The following NFIL3 variants were observed in gnomAD, a reference collection of about 807,000 sequenced individuals.
NFIL3 encodes the protein nuclear factor, interleukin 3 regulated.
Under a neutral mutation model 10.0 loss-of-function variants are expected in NFIL3, and 5 were observed. The observed-to-expected ratio is 0.50, with a 90% CI of 0.26 to 1.06. The LOEUF (loss-of-function observed/expected upper bound fraction) is 1.06, where lower values mean the gene tolerates loss of function less well. Ranked by LOEUF, NFIL3 falls within the 50% of genes least tolerant of loss-of-function variation. The probability of loss-of-function intolerance (pLI) is 0.13; values close to 1 mark genes in which losing one functional copy is unlikely to be tolerated. For synonymous variants in NFIL3, 202 were observed against 206.5 expected (o/e 0.98, Z 0.19); for missense variants, 436 against 547.6 (o/e 0.80, Z 2.03).
At chr9:91,450,381 A>G in the NFIL3 span, among the ~76,000 whole-genome samples, 1 of 152,102 alleles carries the variant, frequency 6.6e-6, no homozygotes, top group Non-Finnish European at 1.5e-5. Flanking sequence ...CATGCATCCC[A>G]TAAGTTTTGG....
chr9:91,416,421 A>C (rs901349622), intron 1 of NFIL3, among the ~76,000 whole-genome samples: 1 of 152,228 alleles, frequency 6.6e-6, no homozygotes, highest in East Asian at 1.9e-4. Context: ...AATTTATTTC[A>C]AGCCTCAATA....
chr9:91,458,740 T>C, the NFIL3 span, among the ~76,000 whole-genome samples: 5 of 152,332 alleles, frequency 3.3e-5, no homozygotes, highest in Admixed American at 3.3e-4. Flanking sequence ...TCTATCAAAG[T>C]CATTAGAAAG....
At chr9:91,447,294 C>T in the NFIL3 span, among the ~76,000 whole-genome samples, 1 of 152,196 alleles carries the variant, frequency 6.6e-6, no homozygotes, top group Admixed American at 6.5e-5. Flanking sequence ...TGAACACTGG[C>T]ATTCCAGTAT....
chr9:91,430,682 G>A, the NFIL3 span, among the ~76,000 whole-genome samples: 2,385 of 152,194 alleles, frequency 0.016, 33 homozygotes, highest in Middle Eastern at 0.041. Flanking sequence ...GTCTTGCTCT[G>A]TTGCCCAGGC....
At chr9:91,480,611 G>T in the NFIL3 span, among the ~76,000 whole-genome samples, 3 of 152,120 alleles carry the variant, frequency 2.0e-5, no homozygotes, top group African/African-American at 4.8e-5. Flanking sequence ...AAGGAGAATA[G>T]ATTGTATTTT....
chr9:91,410,327 T>C lies in NFIL3; in HGVS notation c.408A>G (p.Gln136=). Residue 136 remains glutamine (Q), a synonymous_variant, in exon 2 of 2, where the codon CAA becomes CAG. Coordinates refer to ENST00000297689, the MANE Select transcript of NFIL3 (RefSeq NM_005384.3). This position sits in a 1 kb window ranked among gnomAD's most constrained non-coding sequence, Gnocchi z 5.7. ...TAGAATTACTGAGTTTCTGAATCTC[T>C]TGAGCATATGCTGTGGAGCTAATTA... ...FGLISSTAYA[Q]EIQKLSNSTA... 6.2e-7 allele frequency: 1 copy of C among 1,614,256 alleles called. No homozygotes were observed. Among genetic ancestry groups the C allele is most frequent in the South Asian group, 1.1e-5 (1 of 91,082 alleles).
chr9:91,429,928 CT>C, the NFIL3 span, among the ~76,000 whole-genome samples: 1 of 152,054 alleles, frequency 6.6e-6, no homozygotes, highest in African/African-American at 2.4e-5. Flanking sequence ...GGGCAACTTA[CT>C]TTTCTCGTCT....
At chr9:91,473,468 C>T in the NFIL3 span, among the ~76,000 whole-genome samples, 2 of 152,360 alleles carry the variant, frequency 1.3e-5, no homozygotes, top group Admixed American at 6.5e-5. Flanking sequence ...CTCAGACTGC[C>T]GCACTAGCAG....
chr9:91,437,984 C>T, the NFIL3 span, among the ~76,000 whole-genome samples: 1 of 152,178 alleles, frequency 6.6e-6, no homozygotes, highest in Non-Finnish European at 1.5e-5. Context: ...GTGCACATAC[C>T]TTTATGAAAT....
In NFIL3 at chr9:91,421,895, T is replaced by A. The variant is rs974072278; in HGVS notation, c.-173+1745A>T. Among the ~76,000 whole-genome samples, 32 of 152,226 alleles carry A rather than the reference T, an allele frequency of 2.1e-4. 1 individual carries two copies. On this transcript the variant is annotated intron_variant, in intron 1 of 1. Coordinates refer to ENST00000297689, the MANE Select transcript of NFIL3 (RefSeq NM_005384.3). ...TATACATATATTCACACATAATCACTATGTAACAGTCCAGGAAGAAATTTA... is the reference window on the plus strand; with the variant it reads ...TATACATATATTCACACATAATCACAATGTAACAGTCCAGGAAGAAATTTA...
chr9:91,432,216 A>AAT, the NFIL3 span, among the ~76,000 whole-genome samples: 1 of 152,118 alleles, frequency 6.6e-6, no homozygotes, highest in Non-Finnish European at 1.5e-5. Context: ...CCAGTAGATA[A>AAT]ATACCTCCTC....
the NFIL3 span, among the ~76,000 whole-genome samples, chr9:91,479,894 T>C: frequency 6.6e-6 from 1 of 152,190 alleles, no homozygotes; most frequent in Non-Finnish European, 1.5e-5. Flanking sequence ...CGGCTTCCCT[T>C]GGTTAGGGGA....
At chr9:91,471,906 C>CA in the NFIL3 span, among the ~76,000 whole-genome samples, 2 of 152,186 alleles carry the variant, frequency 1.3e-5, no homozygotes, top group Non-Finnish European at 2.9e-5. Flanking sequence ...CTGGTGGTGA[C>CA]AAAATCTCTC....
the NFIL3 span, among the ~76,000 whole-genome samples, chr9:91,443,577 T>C: frequency 6.6e-6 from 1 of 152,202 alleles, no homozygotes; most frequent in Non-Finnish European, 1.5e-5. Context: ...CCCAAGCACA[T>C]GCACACCTGA....
chr9:91,415,731 G>A (rs576916469), intron 1 of NFIL3, among the ~76,000 whole-genome samples: 8 of 151,786 alleles, frequency 5.3e-5, no homozygotes, highest in African/African-American at 1.4e-4. Flanking sequence ...GGGTTCAAGC[G>A]ATTCTCCTGC....
chr9:91,453,083 G>A, the NFIL3 span, among the ~76,000 whole-genome samples: 1 of 152,040 alleles, frequency 6.6e-6, no homozygotes, highest in African/African-American at 2.4e-5. Context: ...AGGTCAATGT[G>A]TCAGCAGGTT....
At chr9:91,422,615 G>A (rs1395741151) in intron 1 of NFIL3, among the ~76,000 whole-genome samples, 1 of 152,126 alleles carries the variant, frequency 6.6e-6, no homozygotes, top group Non-Finnish European at 1.5e-5. Flanking sequence ...ACATTTCCAG[G>A]AAACTATTAT....
chr9:91,460,617 G>T, the NFIL3 span, among the ~76,000 whole-genome samples: 2 of 152,040 alleles, frequency 1.3e-5, no homozygotes, highest in Non-Finnish European at 2.9e-5. Flanking sequence ...AACCAGAATT[G>T]TCCACCTGAA....
At chr9:91,411,428 A>G (rs2117955542) in intron 1 of NFIL3, among the ~76,000 whole-genome samples, 1 of 152,388 alleles carries the variant, frequency 6.6e-6, no homozygotes, top group Middle Eastern at 3.4e-3. Flanking sequence ...CTGCACTCCT[A>G]TATGGAATAA....
Sources: allele counts gnomAD v4.1 joint callset (sites outside exome capture counted in the v4.1 genomes callset), GRCh38; gene constraint gnomAD v4.1.1; non-coding constraint Gnocchi (gnomAD v3.1); transcripts MANE v1.5; gene names NCBI Gene and HGNC (gene_info 2026-07-23, HGNC 2026-07-21).